Variants in SOX5 observed in about 807,000 individuals in gnomAD.
The protein encoded by SOX5 is SRY-box transcription factor 5, also known as transcription factor SOX-5.
Under a neutral mutation model 92.0 loss-of-function variants are expected in SOX5, and 9 were observed. The observed-to-expected ratio is 0.10, with a 90% CI of 0.06 to 0.17. The LOEUF is 0.17. Among genes scored for constraint, SOX5 ranks in the 10% least tolerant of loss-of-function variants. SOX5 has a pLI of 1.00. For synonymous variants in SOX5, 344 were observed against 336.3 expected (o/e 1.02, Z -0.25); for missense variants, 642 against 944.5 (o/e 0.68, Z 4.20).
chr12:23,974,650 G>C (rs7139333), intron 4 of SOX5, among the ~76,000 whole-genome samples: 37,375 of 151,996 alleles, frequency 0.25, 4,870 homozygotes, highest in African/African-American at 0.33. Context: ...AGGAATGACG[G>C]GAAGATAGTG....
intron 4 of SOX5, among the ~76,000 whole-genome samples, chr12:23,980,379 A>G (rs1250365314): frequency 1.3e-5 from 2 of 152,176 alleles, no homozygotes; most frequent in Admixed American, 6.5e-5. Context: ...TTTAATGTCA[A>G]TAATATTCCT....
intron 2 of SOX5, among the ~76,000 whole-genome samples, chr12:24,318,463 G>A (rs1450377192): frequency 6.6e-6 from 1 of 152,152 alleles, no homozygotes; most frequent in Non-Finnish European, 1.5e-5. Context: ...CTGTGTTCTT[G>A]AAATCATGGC....
chr12:23,915,086 G>A (rs776878570), intron 1 of SOX5, among the ~76,000 whole-genome samples: 2 of 152,100 alleles, frequency 1.3e-5, no homozygotes, highest in Non-Finnish European at 2.9e-5. Context: ...CTGTGACCTT[G>A]ATCATGTTAC....
At chr12:24,397,231 C>T (rs2136573056) in intron 1 of SOX5, among the ~76,000 whole-genome samples, 1 of 151,322 alleles carries the variant, frequency 6.6e-6, no homozygotes, top group South Asian at 2.1e-4. Flanking sequence ...TTTGACAAGT[C>T]AAACCAGAAA....
At chr12:23,759,531 T>C (rs1051354890) in intron 3 of SOX5, among the ~76,000 whole-genome samples, 9 of 152,058 alleles carry the variant, frequency 5.9e-5, no homozygotes, top group African/African-American at 2.2e-4. Flanking sequence ...CTCTACTAAC[T>C]GCTAGTTTCC....
chr12:24,366,406 G>A (rs1956176191), intron 2 of SOX5, among the ~76,000 whole-genome samples: 1 of 152,078 alleles, frequency 6.6e-6, no homozygotes, highest in African/African-American at 2.4e-5. Context: ...TAGGGCTTCT[G>A]GAAAAGGCAT....
intron 1 of SOX5, among the ~76,000 whole-genome samples, chr12:24,496,484 C>G (rs1315852138): frequency 6.6e-6 from 1 of 152,100 alleles, no homozygotes; most frequent in Non-Finnish European, 1.5e-5. Flanking sequence ...GTGAAAATTC[C>G]AGGTATTTTG....
intron 3 of SOX5, among the ~76,000 whole-genome samples, chr12:24,263,581 T>C (rs1371774780): frequency 6.9e-6 from 1 of 144,604 alleles, no homozygotes; most frequent in East Asian, 2.0e-4. Context: ...AAAAGGAAGA[T>C]GAAACAATAC....
At chr12:23,969,333 T>TTC (rs1555455419) in intron 4 of SOX5, among the ~76,000 whole-genome samples, 2 of 151,936 alleles carry the variant, frequency 1.3e-5, no homozygotes, top group Non-Finnish European at 2.9e-5. Context: ...CCATTTTTTT[T>TTC]CCCACACTGT....
intron 7 of SOX5, among the ~76,000 whole-genome samples, chr12:23,662,741 C>T (rs1377045558): frequency 6.6e-6 from 1 of 152,052 alleles, no homozygotes; most frequent in Admixed American, 6.6e-5. Flanking sequence ...AGTTTAGTCC[C>T]AGAGATTTTA....
chr12:24,428,726 CAAAAAAAAAAAAA>C (rs57964050), intron 1 of SOX5, among the ~76,000 whole-genome samples: 44 of 32,604 alleles, frequency 1.3e-3, no homozygotes, highest in African/African-American at 2.8e-3. Context: ...CTCTGTTTCT[CAAAAAAAAAAAAA>C]AAAAAAAAAA....
intron 2 of SOX5, among the ~76,000 whole-genome samples, chr12:24,348,363 C>CTTATTTAT (rs1190389269): frequency 2.3e-5 from 1 of 42,720 alleles, no homozygotes; most frequent in Non-Finnish European, 5.8e-5. Flanking sequence ...TCTATTGACT[C>CTTATTTAT]CTATTTATTT....
chr12:24,255,674 A>AC (rs1941035007), intron 3 of SOX5, among the ~76,000 whole-genome samples: 2 of 152,190 alleles, frequency 1.3e-5, no homozygotes, highest in Non-Finnish European at 2.9e-5. Flanking sequence ...ACTCGGAAAA[A>AC]AAATGCTCTG....
chr12:23,810,788 C>T (rs999657219), intron 3 of SOX5, among the ~76,000 whole-genome samples: 2 of 152,076 alleles, frequency 1.3e-5, no homozygotes, highest in Non-Finnish European at 2.9e-5. Flanking sequence ...TGACCCAAGC[C>T]CAACAGTGGA....
At chr12:24,496,019 T>C (rs1317384928) in intron 1 of SOX5, among the ~76,000 whole-genome samples, 1 of 152,216 alleles carries the variant, frequency 6.6e-6, no homozygotes, top group Non-Finnish European at 1.5e-5. Context: ...CAGTTGAATG[T>C]GCCACAGTGA....
intron 6 of SOX5, 29 bp from the exon 7 acceptor site, chr12:23,665,593 A>G (rs200888860): frequency 7.8e-5 from 123 of 1,580,834 alleles, no homozygotes; most frequent in Middle Eastern, 1.7e-4. Context: ...CGAATCAAAG[A>G]GAAGAAGTTT....
At chr12:24,010,956 T>C (rs1470489690) in intron 4 of SOX5, among the ~76,000 whole-genome samples, 1 of 151,710 alleles carries the variant, frequency 6.6e-6, no homozygotes, top group Non-Finnish European at 1.5e-5. Context: ...AAAAAAAGAA[T>C]AATATTCTGA....
At chr12:23,814,943 T>C (rs541109485) in intron 3 of SOX5, among the ~76,000 whole-genome samples, 1 of 152,260 alleles carries the variant, frequency 6.6e-6, no homozygotes, top group African/African-American at 2.4e-5. Flanking sequence ...ATTTTAAAAG[T>C]CTAATATTTT....
At chr12:23,710,151 G>C (rs956292925) in intron 6 of SOX5, among the ~76,000 whole-genome samples, 1 of 152,022 alleles carries the variant, frequency 6.6e-6, no homozygotes, top group Admixed American at 6.6e-5. Flanking sequence ...CACACGGTAA[G>C]AAAGAGAAAG....
Sources: gnomAD v4.1 joint callset for allele counts (sites outside exome capture counted in the v4.1 genomes callset) on GRCh38, gnomAD v4.1.1 for gene constraint, MANE v1.5 for transcripts, NCBI Gene and HGNC (gene_info 2026-07-23, HGNC 2026-07-21) for gene names.